The following SLIT3 variants were observed in gnomAD, a reference collection of about 807,000 sequenced individuals.
SLIT3 encodes the protein slit homolog 3 protein.
Under a neutral mutation model 184.0 loss-of-function variants are expected in SLIT3, and 68 were observed. The ratio of observed to expected loss-of-function variants is 0.37; its 90% CI spans 0.30 to 0.45. The LOEUF (loss-of-function observed/expected upper bound fraction) is 0.45. Ranked by LOEUF, SLIT3 falls within the 20% of genes least tolerant of loss-of-function variation. The probability of loss-of-function intolerance (pLI) is 1.00; values close to 1 mark genes in which losing one functional copy is unlikely to be tolerated. For synonymous variants in SLIT3, 831 were observed against 828.6 expected (o/e 1.00, Z -0.05); for missense variants, 1,707 against 2,026.0 (o/e 0.84, Z 3.02).
intron 4 of SLIT3, among the ~76,000 whole-genome samples, chr5:169,009,211 A>C (rs1756047837): frequency 6.6e-6 from 1 of 152,174 alleles, no homozygotes; most frequent in South Asian, 2.1e-4. Context: ...CCTCCTCTTG[A>C]AACTCCCCTT....
intron 4 of SLIT3, among the ~76,000 whole-genome samples, chr5:168,984,183 A>G (rs1279891079): frequency 6.6e-6 from 1 of 152,220 alleles, no homozygotes; most frequent in Non-Finnish European, 1.5e-5. Context: ...ATTAAAAATA[A>G]TGATAGAACT....
chr5:169,028,948 C>T (rs1756930067), intron 4 of SLIT3, among the ~76,000 whole-genome samples: 1 of 152,146 alleles, frequency 6.6e-6, no homozygotes, highest in Non-Finnish European at 1.5e-5. Flanking sequence ...TTGGTGGCTT[C>T]AAGGCAAAGG....
intron 3 of SLIT3, among the ~76,000 whole-genome samples, chr5:169,212,405 C>A (rs1018636750): frequency 1.3e-5 from 2 of 152,168 alleles, no homozygotes; most frequent in Non-Finnish European, 2.9e-5. Context: ...TTGTTGGCTG[C>A]ATAAATGTCT....
At chr5:168,667,459 G>A (rs1200595778) in intron 35 of SLIT3, 2 of 152,360 alleles carry the variant, frequency 1.3e-5, no homozygotes, top group African/African-American at 4.8e-5. Flanking sequence ...ATCTGAATAA[G>A]AAGCAGGTGT....
rs1760976959 is a variant in SLIT3, at chr5:168,664,557, CCTTTCTTTT to C, written c.*1888_*1896del. 1 of 152,262 alleles carries C rather than the reference CCTTTCTTTT, an allele frequency of 6.6e-6. No homozygotes were observed. Among genetic ancestry groups the C allele is most frequent in the African/African-American group, 2.4e-5 (1 of 41,442 alleles). 9.4% of individuals were successfully genotyped at this position (152,262 alleles called of 1,614,324 possible). On this transcript the variant is annotated 3_prime_UTR_variant, in exon 36 of 36. Transcript: ENST00000519560. ...CAGTTGCCTCGTTTTCCTCCATCTT[CCTTTCTTTT>C]CTTTCTCCCTTCATTATTCCCTGCG...
intron 20 of SLIT3, among the ~76,000 whole-genome samples, chr5:168,727,705 T>C (rs891672479): frequency 1.5e-4 from 23 of 152,184 alleles, no homozygotes; most frequent in African/African-American, 5.6e-4. Flanking sequence ...GTATTTGCAT[T>C]CTGAGTGAAT....
chr5:168,834,461 G>A (rs902499628), intron 6 of SLIT3, among the ~76,000 whole-genome samples: 4 of 152,014 alleles, frequency 2.6e-5, no homozygotes, highest in African/African-American at 9.7e-5. Flanking sequence ...GGAGGCAGAG[G>A]CGGGCGGATC....
chr5:168,814,203 C>G (rs1054794416), intron 8 of SLIT3, among the ~76,000 whole-genome samples: 6 of 152,072 alleles, frequency 3.9e-5, no homozygotes, highest in Non-Finnish European at 7.4e-5. Context: ...TGAGACCAGC[C>G]TGGCCAACAT....
chr5:169,275,127 G>A (rs184655111), intron 1 of SLIT3, among the ~76,000 whole-genome samples: 27 of 152,288 alleles, frequency 1.8e-4, no homozygotes, highest in African/African-American at 5.1e-4. Flanking sequence ...TGGTTGTTAC[G>A]TGCCTTCATA....
At chr5:169,235,543 A>G (rs1380132134) in intron 3 of SLIT3, among the ~76,000 whole-genome samples, 1 of 152,230 alleles carries the variant, frequency 6.6e-6, no homozygotes, top group African/African-American at 2.4e-5. Context: ...TGCATTTATT[A>G]TTCACTAAAG....
At chr5:169,054,203 AAG>A in intron 4 of SLIT3, among the ~76,000 whole-genome samples, 1 of 150,614 alleles carries the variant, frequency 6.6e-6, no homozygotes, top group East Asian at 2.0e-4. Context: ...ATGCCATATG[AAG>A]AGAGAGACAC....
chr5:169,048,967 C>A (rs1415100024), intron 4 of SLIT3, among the ~76,000 whole-genome samples: 1 of 152,100 alleles, frequency 6.6e-6, no homozygotes, highest in Non-Finnish European at 1.5e-5. Context: ...GAGAGTGACG[C>A]CACAACCAGC....
intron 4 of SLIT3, among the ~76,000 whole-genome samples, chr5:169,153,223 G>C (rs992547296): frequency 6.6e-6 from 1 of 152,140 alleles, no homozygotes; most frequent in Non-Finnish European, 1.5e-5. Flanking sequence ...GAGGGGAGGA[G>C]GAATCCTCAG....
intron 4 of SLIT3, among the ~76,000 whole-genome samples, chr5:168,936,251 T>G (rs932507977): frequency 6.6e-6 from 1 of 152,172 alleles, no homozygotes; most frequent in African/African-American, 2.4e-5. Context: ...TTTTCTTCTT[T>G]TTGAGGCAGA....
chr5:169,233,875 A>C (rs1765095361), intron 3 of SLIT3, among the ~76,000 whole-genome samples: 1 of 152,074 alleles, frequency 6.6e-6, no homozygotes, highest in South Asian at 2.1e-4. Flanking sequence ...ACAGTGTTTA[A>C]TAGAAGCTAT....
chr5:169,149,197 G>C (rs1311764481), intron 4 of SLIT3, among the ~76,000 whole-genome samples: 1 of 152,212 alleles, frequency 6.6e-6, no homozygotes, highest in Non-Finnish European at 1.5e-5. Context: ...GACAAATTAA[G>C]AGGAAATGAC....
At chr5:169,214,989 G>A (rs1162572475) in intron 3 of SLIT3, among the ~76,000 whole-genome samples, 2 of 152,126 alleles carry the variant, frequency 1.3e-5, no homozygotes, top group African/African-American at 4.8e-5. Context: ...GCACCTCCTT[G>A]CCTCCAGTCT....
intron 4 of SLIT3, among the ~76,000 whole-genome samples, chr5:169,007,195 G>T (rs553571585): frequency 6.6e-6 from 1 of 152,180 alleles, no homozygotes; most frequent in Admixed American, 6.5e-5. Context: ...TGCTATGATT[G>T]TAAGTTTCCT....
intron 4 of SLIT3, among the ~76,000 whole-genome samples, chr5:169,001,456 A>G (rs1755699903): frequency 6.6e-6 from 1 of 152,198 alleles, no homozygotes. Context: ...GACAAGAAGT[A>G]CAGGCACATA....
Sources: allele counts gnomAD v4.1 joint callset (sites outside exome capture counted in the v4.1 genomes callset), GRCh38; gene constraint gnomAD v4.1.1; transcripts MANE v1.5; gene names NCBI Gene and HGNC (gene_info 2026-07-23, HGNC 2026-07-21).